SAMD4A: variants seen among roughly 807,000 people sequenced by gnomAD.
The protein encoded by SAMD4A is sterile alpha motif domain containing 4A.
Under a neutral mutation model 81.3 loss-of-function variants are expected in SAMD4A, and 33 were observed. The observed-to-expected ratio is 0.41, with a 90% CI of 0.31 to 0.54. SAMD4A has a LOEUF of 0.54. Among genes scored for constraint, SAMD4A ranks in the 20% least tolerant of loss-of-function variants. The probability of loss-of-function intolerance (pLI) is 0.37; values close to 1 mark genes in which losing one functional copy is unlikely to be tolerated. For synonymous variants in SAMD4A, 389 were observed against 382.1 expected, an observed-to-expected ratio of 1.02 and a Z score of -0.21; for missense variants, 854 against 951.1, an observed-to-expected ratio of 0.90 and a Z score of 1.34.
At chr14:54,619,907 G>A (rs768471476) in intron 2 of SAMD4A, among the ~76,000 whole-genome samples, 1 of 152,172 alleles carries the variant, frequency 6.6e-6, no homozygotes, top group African/African-American at 2.4e-5. Context: ...ACAGGGTCAG[G>A]TAAGTCAGTT....
intron 2 of SAMD4A, among the ~76,000 whole-genome samples, chr14:54,574,661 T>C (rs2033236143): frequency 6.6e-6 from 1 of 152,240 alleles, no homozygotes; most frequent in Admixed American, 6.5e-5. Context: ...TTCATCCCGC[T>C]TAAGTATGCA....
At chr14:54,708,386 A>G (rs1481617027) in intron 3 of SAMD4A, among the ~76,000 whole-genome samples, 3 of 152,212 alleles carry the variant, frequency 2.0e-5, no homozygotes, top group Non-Finnish European at 1.5e-5. Context: ...TGAGTTTGGC[A>G]TGTCTGTTGG....
intron 2 of SAMD4A, among the ~76,000 whole-genome samples, chr14:54,696,267 T>G (rs2036575751): frequency 6.6e-6 from 1 of 152,222 alleles, no homozygotes; most frequent in Admixed American, 6.5e-5. Context: ...CTGAAAAATA[T>G]CTCTACAAAT....
At chr14:54,619,536 A>C (rs1466512381) in intron 2 of SAMD4A, among the ~76,000 whole-genome samples, 1 of 152,098 alleles carries the variant, frequency 6.6e-6, no homozygotes, top group Admixed American at 6.5e-5. Flanking sequence ...TTTTTGTTTT[A>C]ATCATTTTTT....
At chr14:54,648,711 T>C (rs1412956917) in intron 2 of SAMD4A, among the ~76,000 whole-genome samples, 2 of 152,084 alleles carry the variant, frequency 1.3e-5, no homozygotes, top group East Asian at 3.9e-4. Flanking sequence ...TACCAGGAGC[T>C]GTGTGGGTCG....
At chr14:54,619,958 G>T (rs763513298) in intron 2 of SAMD4A, among the ~76,000 whole-genome samples, 3 of 152,084 alleles carry the variant, frequency 2.0e-5, no homozygotes, top group East Asian at 1.9e-4. Flanking sequence ...GGACTTGAAA[G>T]ACTTTTTTTT....
chr14:54,784,411 A>G (rs752733408), intron 11 of SAMD4A, 126 bp from the exon 12 acceptor site: 16 of 1,599,400 alleles, frequency 1.0e-5, no homozygotes, highest in Admixed American at 1.7e-5. Flanking sequence ...AGCCCCTTCC[A>G]TGCCAGCGCT....
chr14:54,644,214 A>T (rs1012918167), intron 2 of SAMD4A, among the ~76,000 whole-genome samples: 5 of 152,186 alleles, frequency 3.3e-5, no homozygotes, highest in African/African-American at 1.2e-4. Context: ...GGAGAATGGG[A>T]CAGAGAGGTG....
chr14:54,568,354 G>A (rs367559593), intron 2 of SAMD4A, among the ~76,000 whole-genome samples: 124 of 151,576 alleles, frequency 8.2e-4, no homozygotes, highest in African/African-American at 2.7e-3. Flanking sequence ...AGCCCTTTCC[G>A]TGTGGTAGCT....
chr14:54,714,727 A>G (rs1339048549), intron 3 of SAMD4A, among the ~76,000 whole-genome samples: 1 of 152,146 alleles, frequency 6.6e-6, no homozygotes, highest in Non-Finnish European at 1.5e-5. Flanking sequence ...GATAGCCCTT[A>G]TTGTTGTCGT....
intron 2 of SAMD4A, among the ~76,000 whole-genome samples, chr14:54,587,700 C>G (rs568996399): frequency 6.6e-6 from 1 of 152,252 alleles, no homozygotes; most frequent in South Asian, 2.1e-4. Context: ...TATGGACTTA[C>G]ATATGTTAAA....
At chr14:54,738,573 G>T (rs548098440) in intron 4 of SAMD4A, among the ~76,000 whole-genome samples, 1 of 152,316 alleles carries the variant, frequency 6.6e-6, no homozygotes, top group East Asian at 1.9e-4. Context: ...GTGTCACTTG[G>T]GTACGAAGGG....
At chr14:54,632,801 A>G (rs1404705311) in intron 2 of SAMD4A, among the ~76,000 whole-genome samples, 7 of 152,186 alleles carry the variant, frequency 4.6e-5, no homozygotes, top group Non-Finnish European at 8.8e-5. Flanking sequence ...TAACTTTCTT[A>G]TCTAAAATAG....
At chr14:54,749,086 TG>T (rs2038035247) in intron 5 of SAMD4A, among the ~76,000 whole-genome samples, 162 bp downstream of exon 5, 2 of 152,112 alleles carry the variant, frequency 1.3e-5, no homozygotes, top group Non-Finnish European at 2.9e-5. Context: ...TGAGCAAAAC[TG>T]GGTGGATTCT....
intron 2 of SAMD4A, among the ~76,000 whole-genome samples, chr14:54,631,914 T>A (rs2034912890): frequency 6.6e-6 from 1 of 152,248 alleles, no homozygotes; most frequent in Non-Finnish European, 1.5e-5. Flanking sequence ...CCTACAGTTT[T>A]ACTCTCTGTC....
chr14:54,774,884 A>C, intron 9 of SAMD4A, 50 bp from the exon 10 acceptor site: 1 of 1,586,476 alleles, frequency 6.3e-7, no homozygotes, highest in Non-Finnish European at 8.6e-7. Context: ...TGGCTTAAAA[A>C]GGGCTGAATA....
intron 6 of SAMD4A, among the ~76,000 whole-genome samples, chr14:54,753,436 A>T (rs2038161759): frequency 6.6e-6 from 1 of 152,234 alleles, no homozygotes; most frequent in South Asian, 2.1e-4. Flanking sequence ...CATACAACAC[A>T]TGTTTTTGTG....
At chr14:54,772,157 C>T (rs1377802937) in intron 9 of SAMD4A, among the ~76,000 whole-genome samples, 2 of 152,200 alleles carry the variant, frequency 1.3e-5, no homozygotes, top group Non-Finnish European at 2.9e-5. Flanking sequence ...CCAACCCCTG[C>T]TTGAATTATC....
chr14:54,573,306 A>C (rs2033188469), intron 2 of SAMD4A, among the ~76,000 whole-genome samples: 1 of 152,222 alleles, frequency 6.6e-6, no homozygotes, highest in Non-Finnish European at 1.5e-5. Context: ...CCATCAAAGC[A>C]AGTAAAAGGC....
Sources: gnomAD v4.1 joint callset for allele counts (sites outside exome capture counted in the v4.1 genomes callset) on GRCh38, gnomAD v4.1.1 for gene constraint, MANE v1.5 for transcripts, NCBI Gene and HGNC (gene_info 2026-07-23, HGNC 2026-07-21) for gene names.